MAGI2: variants seen among roughly 807,000 people sequenced by gnomAD.
The protein encoded by MAGI2 is membrane associated guanylate kinase, WW and PDZ domain containing 2.
In MAGI2, 35 loss-of-function variants were observed where a neutral mutation model predicts 133.3. The ratio of observed to expected loss-of-function variants is 0.26; its 90% CI spans 0.20 to 0.35. The LOEUF (loss-of-function observed/expected upper bound fraction) is 0.35, where lower values mean the gene tolerates loss of function less well. Ranked by LOEUF, MAGI2 falls within the 10% of genes least tolerant of loss-of-function variation. MAGI2 has a pLI of 1.00. For missense variants in MAGI2, 1,636 were observed against 1,863.4 expected (o/e 0.88, Z 2.25); for synonymous variants, 729 against 710.6 (o/e 1.03, Z -0.41).
chr7:79,343,892 A>G (rs4730769), intron 1 of MAGI2, among the ~76,000 whole-genome samples: 77,212 of 152,038 alleles, frequency 0.51, 20,886 homozygotes, highest in Non-Finnish European at 0.6. Flanking sequence ...ACATCCATCC[A>G]TGTATCTGTA....
At chr7:78,407,333 T>C (rs1420846127) in intron 6 of MAGI2, among the ~76,000 whole-genome samples, 5 of 151,996 alleles carry the variant, frequency 3.3e-5, no homozygotes, top group Non-Finnish European at 7.4e-5. Context: ...GTGTACATTT[T>C]TACCCTATGT....
At chr7:78,416,902 G>A (rs1049888800) in intron 6 of MAGI2, among the ~76,000 whole-genome samples, 7 of 152,076 alleles carry the variant, frequency 4.6e-5, no homozygotes, top group Admixed American at 3.9e-4. Context: ...CTGGCACCTT[G>A]ATCTTGGACT....
chr7:78,335,034 T>G (rs1789610225), intron 9 of MAGI2, among the ~76,000 whole-genome samples: 1 of 152,232 alleles, frequency 6.6e-6, no homozygotes, highest in Non-Finnish European at 1.5e-5. Flanking sequence ...CATACTCTCT[T>G]GTTTTTACAT....
At chr7:79,284,159 A>G (rs1835844093) in intron 1 of MAGI2, among the ~76,000 whole-genome samples, 1 of 152,098 alleles carries the variant, frequency 6.6e-6, no homozygotes, top group African/African-American at 2.4e-5. Flanking sequence ...TCCTTAAGCA[A>G]CACATGCTGT....
intron 6 of MAGI2, among the ~76,000 whole-genome samples, chr7:78,442,763 G>A (rs1433167624): frequency 6.6e-6 from 1 of 151,998 alleles, no homozygotes; most frequent in African/African-American, 2.4e-5. Flanking sequence ...AATCCAAATG[G>A]GGGCTATTTA....
At chr7:79,000,925 C>T (rs1562770967) in intron 2 of MAGI2, among the ~76,000 whole-genome samples, 2 of 152,040 alleles carry the variant, frequency 1.3e-5, no homozygotes, top group Non-Finnish European at 2.9e-5. Flanking sequence ...TCACCTTATT[C>T]ACTGTTTTTT....
intron 6 of MAGI2, among the ~76,000 whole-genome samples, chr7:78,465,412 G>C (rs1790517688): frequency 6.6e-6 from 1 of 152,046 alleles, no homozygotes; most frequent in Admixed American, 6.6e-5. Flanking sequence ...TGCACAATAG[G>C]GTTTATCAAG....
chr7:79,145,648 TTGTC>T (rs1358828453), intron 1 of MAGI2, among the ~76,000 whole-genome samples: 2 of 152,190 alleles, frequency 1.3e-5, no homozygotes, highest in African/African-American at 4.8e-5. Context: ...CGTGTTCACA[TTGTC>T]TGTTTTTAAA....
intron 2 of MAGI2, among the ~76,000 whole-genome samples, chr7:78,687,739 C>A (rs978295589): frequency 1.3e-5 from 2 of 151,722 alleles, no homozygotes; most frequent in African/African-American, 4.8e-5. Context: ...GAGGCTGAGG[C>A]GGGTGGATCA....
rs752292799 is a variant in MAGI2, at chr7:79,007,079, A to G, written c.418+11T>C. ...CAACATAAAAATATTAATACTGCCC[A>G]TTGTACTCACATGGCACCGTGCGGA... On this transcript the variant is annotated intron_variant, in intron 2 of 21. Coordinates refer to ENST00000354212, the MANE Select transcript of MAGI2 (RefSeq NM_012301.4). The G allele has an allele frequency of 1.8e-4, 273 of 1,550,106 alleles. No homozygotes were observed. The highest frequency in any genetic ancestry group is 2.2e-4 in the Non-Finnish European group (254 of 1,135,118).
intron 6 of MAGI2, among the ~76,000 whole-genome samples, chr7:78,480,838 G>T (rs1792289987): frequency 6.6e-6 from 1 of 151,802 alleles, no homozygotes; most frequent in Non-Finnish European, 1.5e-5. Flanking sequence ...AAAGAAAATG[G>T]AATACTTAGG....
At chr7:78,954,271 C>T (rs1001973685) in intron 2 of MAGI2, among the ~76,000 whole-genome samples, 2 of 152,054 alleles carry the variant, frequency 1.3e-5, no homozygotes, top group African/African-American at 4.8e-5. Context: ...ATCCATTTGG[C>T]ATGTTTCTGT....
At chr7:78,880,324 G>C (rs753611814) in intron 2 of MAGI2, among the ~76,000 whole-genome samples, 1 of 152,222 alleles carries the variant, frequency 6.6e-6, no homozygotes, top group African/African-American at 2.4e-5. Context: ...GGCAGCTAGA[G>C]GAAAAGGTCA....
intron 2 of MAGI2, among the ~76,000 whole-genome samples, chr7:78,880,748 C>T (rs1339127606): frequency 1.3e-5 from 2 of 151,682 alleles, no homozygotes; most frequent in African/African-American, 2.4e-5. Flanking sequence ...TGTAAATGCT[C>T]TAAATGCTCC....
intron 21 of MAGI2, among the ~76,000 whole-genome samples, chr7:78,069,678 CCT>C (rs1457067097): frequency 6.6e-6 from 1 of 152,044 alleles, no homozygotes. Context: ...AATCTCAACT[CCT>C]CACCCCACAA....
chr7:78,613,682 AAAAG>A (rs1351169701), intron 3 of MAGI2, among the ~76,000 whole-genome samples: 3 of 152,236 alleles, frequency 2.0e-5, no homozygotes, highest in Admixed American at 6.5e-5. Context: ...GCTAAATATT[AAAAG>A]AAAGAAAAAT....
At chr7:78,440,107 A>C (rs920132620) in intron 6 of MAGI2, among the ~76,000 whole-genome samples, 1 of 152,046 alleles carries the variant, frequency 6.6e-6, no homozygotes. Context: ...TTAAAGTTAC[A>C]TTTAAATGTA....
At chr7:78,083,367 C>A (rs370375045) in intron 20 of MAGI2, among the ~76,000 whole-genome samples, 1 of 53,664 alleles carries the variant, frequency 1.9e-5, no homozygotes, top group African/African-American at 7.7e-5. Flanking sequence ...GGTGGGGGGG[C>A]GGGGGAGGGA....
At chr7:78,990,394 C>T (rs1029577604) in intron 2 of MAGI2, among the ~76,000 whole-genome samples, 1 of 152,054 alleles carries the variant, frequency 6.6e-6, no homozygotes, top group Non-Finnish European at 1.5e-5. Flanking sequence ...ACATCCTCTA[C>T]TTATCCTGTC....
Sources: gnomAD v4.1 joint callset for allele counts (sites outside exome capture counted in the v4.1 genomes callset) on GRCh38, gnomAD v4.1.1 for gene constraint, MANE v1.5 for transcripts, NCBI Gene and HGNC (gene_info 2026-07-23, HGNC 2026-07-21) for gene names.